The following ZNF528 variants were observed in gnomAD, a reference collection of about 807,000 sequenced individuals.
The protein encoded by ZNF528 is zinc finger protein 528.
Under a neutral mutation model 13.3 loss-of-function variants are expected in ZNF528, and 9 were observed. The observed-to-expected ratio is 0.67, with a 90% CI of 0.41 to 1.18. The LOEUF (loss-of-function observed/expected upper bound fraction) is 1.18. Among genes scored for constraint, ZNF528 ranks in the 50% most tolerant of loss-of-function variants. ZNF528 has a pLI of 0.01. For missense variants in ZNF528, 858 were observed against 745.4 expected, an observed-to-expected ratio of 1.15 and a Z score of -1.76; for synonymous variants, 264 against 254.3, an observed-to-expected ratio of 1.04 and a Z score of -0.36.
Position 52,415,472 on chromosome 19 carries a change from AT to A in ZNF528, c.621del (p.His207GlnfsTer23). Reference protein sequence around the residue: ...ASASLTNQVIHNADNPYKCSE... With the variant: ...ASASLTNQVIXNADNPYKCSE... ...GCAAGCCTTACTAACCAAGTAATCC[AT>A]AACGCAGATAATCCTTACAAATGCA... On this transcript the variant is annotated frameshift_variant, in exon 7 of 7. Transcript: ENST00000360465. LOFTEE classifies it low-confidence loss of function (END_TRUNC). The A allele has an allele frequency of 6.2e-7, 1 of 1,614,226 alleles. No homozygotes were observed. The highest frequency in any genetic ancestry group is 2.2e-5 in the East Asian group (1 of 44,876).
chr19:52,405,978 G>A lies in ZNF528; in HGVS notation c.87G>A (p.Gln29=), dbSNP rs376391054. 6.2e-7 allele frequency: 1 copy of A among 1,612,280 alleles called. No individual in the cohort carries two copies. The highest frequency in any genetic ancestry group is 2.2e-5 in the East Asian group (1 of 44,806). ...QEEWKCLDPA[Q]RTLYRDVMLE... ...AGTGGAAATGCCTGGACCCTGCGCA[G>A]AGGACTTTATACAGGGACGTGATGT... The change falls in exon 5 of 7, where the codon CAG becomes CAA. Residue 29 remains glutamine (Q), a synonymous_variant. Coordinates refer to ENST00000360465, the MANE Select transcript of ZNF528 (RefSeq NM_032423.3).
At chr19:52,400,199 A>G (rs939793951) in intron 2 of ZNF528, among the ~76,000 whole-genome samples, 1 of 150,528 alleles carries the variant, frequency 6.6e-6, no homozygotes, top group South Asian at 2.1e-4. Flanking sequence ...TTTGGTCAGC[A>G]TACCCAGATG....
chr19:52,416,968 T>C lies in ZNF528; in HGVS notation c.*229T>C. The C allele has an allele frequency of 2.0e-6, 1 of 497,686 alleles. No individual in the cohort carries two copies. Among genetic ancestry groups the C allele is most frequent in the Non-Finnish European group, 3.6e-6 (1 of 281,396 alleles). The allele number at this position is 497,686 out of a possible 1,614,324, so 30.8% of individuals were successfully genotyped here. A position where few individuals can be genotyped will look rare whatever the true frequency, so the allele number is the denominator to read the frequency against. ...CAAGGACCATTGCTATAGAACACGA[T>C]AGGATTTACACAAGAAGTAACTCTG... On this transcript the variant is annotated 3_prime_UTR_variant, in exon 7 of 7. Coordinates refer to ENST00000360465, the MANE Select transcript of ZNF528 (RefSeq NM_032423.3).
chr19:52,405,217 CA>C (rs1156326821), intron 4 of ZNF528, among the ~76,000 whole-genome samples: 356 of 101,110 alleles, frequency 3.5e-3, no homozygotes, highest in Middle Eastern at 5.9e-3. Context: ...AACACCATCT[CA>C]AAAAAAAAAA....
chr19:52,405,373 A>G (rs2058843154), intron 4 of ZNF528, among the ~76,000 whole-genome samples: 2 of 152,106 alleles, frequency 1.3e-5, no homozygotes, highest in African/African-American at 4.8e-5. Context: ...TTTATAAAAA[A>G]TACAAAAATT....
intron 4 of ZNF528, chr19:52,402,349 C>G (rs2058804809): frequency 8.8e-6 from 4 of 455,404 alleles, no homozygotes; most frequent in Non-Finnish European, 1.6e-5. Context: ...GATGCACTGT[C>G]AGTGTTCTGT....
intron 4 of ZNF528, 34 bp from the exon 5 acceptor site, chr19:52,405,873 A>C (rs752502222): frequency 1.9e-6 from 3 of 1,603,140 alleles, no homozygotes; most frequent in Non-Finnish European, 2.6e-6. Flanking sequence ...TACTGTGTGC[A>C]TACCTTGTTG....
chr19:52,414,321 C>A, intron 6 of ZNF528: 2 of 702,442 alleles, frequency 2.8e-6, no homozygotes, highest in East Asian at 5.4e-5. Flanking sequence ...CCTGCACAGA[C>A]CTTGGGGGAC....
chr19:52,416,443 A>C lies in ZNF528; in HGVS notation c.1591A>C (p.Asn531His), dbSNP rs1311005811. 1 of 1,614,100 alleles carries C rather than the reference A, an allele frequency of 6.2e-7. No individual in the cohort carries two copies. Among genetic ancestry groups the C allele is most frequent in the African/African-American group, 1.3e-5 (1 of 74,946 alleles). The part of the protein sequence containing the change: ...YKCNQCGKVF[N>H]QASYLTRHQI... ...ATGTAATCAATGTGGCAAGGTCTTT[A>C]ATCAAGCATCATACCTTACAAGACA... Residue 531 changes from asparagine to histidine, a missense_variant, in exon 7 of 7, where the codon AAT (asparagine) becomes CAT (histidine). By Grantham distance (68) the Asn-to-His change is moderately conservative (BLOSUM62 1). Coordinates refer to ENST00000360465, the MANE Select transcript of ZNF528 (RefSeq NM_032423.3).
chr19:52,409,144 T>C (rs567120937), intron 6 of ZNF528, among the ~76,000 whole-genome samples: 8 of 152,278 alleles, frequency 5.3e-5, no homozygotes, highest in African/African-American at 7.2e-5. Context: ...CTGGAAAATA[T>C]ATATAATCTT....
At chr19:52,406,700 G>T (rs148567294) in intron 6 of ZNF528, 57 bp downstream of exon 6, 16,677 of 1,555,292 alleles carry the variant, frequency 0.011, 126 homozygotes, top group Non-Finnish European at 0.012. Flanking sequence ...TTGAGACAGG[G>T]TCTAACGCTG....
chr19:52,401,765 A>G lies in ZNF528; in HGVS notation c.-68+12A>G, dbSNP rs746418962. 4.0e-6 allele frequency: 6 copies of G among 1,488,854 alleles called. No individual in the cohort carries two copies. In the Admixed American group the frequency reaches 6.2e-5, roughly 15 times the overall value. The allele number at this position is 1,488,854 out of a possible 1,614,324, so 92.2% of individuals were successfully genotyped here. A position where few individuals can be genotyped will look rare whatever the true frequency, so the allele number is the denominator to read the frequency against. On this transcript the variant is annotated intron_variant, in intron 3 of 6. Coordinates refer to ENST00000360465, the MANE Select transcript of ZNF528 (RefSeq NM_032423.3). Reference sequence around the variant, plus strand: ...ACTCAACAGACGAGGTACCTTAACCACATAATGGTTGATTTCCAAAATTAT... The same window carrying G: ...ACTCAACAGACGAGGTACCTTAACCGCATAATGGTTGATTTCCAAAATTAT...
rs2059015612 is a variant in ZNF528, at chr19:52,417,346, A to G, written c.*607A>G. 2 of 212,194 alleles carry G rather than the reference A, an allele frequency of 9.4e-6. No homozygotes were observed. Among genetic ancestry groups the G allele is most frequent in the South Asian group, 6.6e-5 (1 of 15,084 alleles). The allele number at this position is 212,194 out of a possible 1,614,324, so 13.1% of individuals were successfully genotyped here. ...TTAAATATTGTCTGATTTAGAGAGC[A>G]TGGAGGTGGGCAGAGTAACATAAAA... On this transcript the variant is annotated 3_prime_UTR_variant, in exon 7 of 7. Coordinates refer to ENST00000360465, the MANE Select transcript of ZNF528 (RefSeq NM_032423.3).
At chr19:52,408,701 G>T (rs1032530533) in intron 6 of ZNF528, among the ~76,000 whole-genome samples, 2 of 152,032 alleles carry the variant, frequency 1.3e-5, no homozygotes, top group Non-Finnish European at 2.9e-5. Context: ...AGCCTCCCGA[G>T]TAGCTGGGGT....
At chr19:52,401,631 G>A in intron 2 of ZNF528, 54 bp from the exon 3 acceptor site, 1 of 1,214,860 alleles carries the variant, frequency 8.2e-7, no homozygotes, top group Non-Finnish European at 1.1e-6. Flanking sequence ...ATGATTTTAG[G>A]AATCACAGTT....
At chr19:52,398,649 A>G in intron 2 of ZNF528, 30 bp downstream of exon 2, 1 of 979,894 alleles carries the variant, frequency 1.0e-6, no homozygotes, top group South Asian at 4.7e-5. Context: ...AGGCACAGTG[A>G]AAGAAGGTGC....
At chr19:52,403,659 C>CAAAAA (rs398035018) in intron 4 of ZNF528, among the ~76,000 whole-genome samples, 1 of 84,914 alleles carries the variant, frequency 1.2e-5, no homozygotes, top group East Asian at 3.8e-4. Flanking sequence ...GACTCCATCT[C>CAAAAA]AAAAAAAAAA....
chr19:52,416,044 T>C lies in ZNF528; in HGVS notation c.1192T>C (p.Ser398Pro), dbSNP rs2058998580. The part of the protein sequence containing the change: ...KVFGRKCFLT[S>P]HQRIHTRERP... Reference sequence around the variant, plus strand: ...CTTTGGGCGCAAGTGTTTCCTGACCTCTCATCAGAGAATTCATACTAGAGA... The same window carrying C: ...CTTTGGGCGCAAGTGTTTCCTGACCCCTCATCAGAGAATTCATACTAGAGA... The change falls in exon 7 of 7, where the codon TCT (serine) becomes CCT (proline). Residue 398 changes from serine (S) to proline (P), a missense_variant. By Grantham distance (74) the Ser-to-Pro change is moderately conservative. Transcript: ENST00000360465. 1.2e-6 allele frequency: 2 copies of C among 1,614,048 alleles called. No homozygotes were observed. The highest frequency in any genetic ancestry group is 1.7e-6 in the Non-Finnish European group (2 of 1,180,028).
rs139707958 is a variant in ZNF528 at position 52,416,767 on chromosome 19, C to T, written c.*28C>T. On this transcript the variant is annotated 3_prime_UTR_variant, in exon 7 of 7. Coordinates refer to ENST00000360465, the MANE Select transcript of ZNF528 (RefSeq NM_032423.3). ...GTCCCTACAAACTGTATGGCAAAAC[C>T]ATCATCATGAGTTCTAGCATTAATC... 27 of 1,556,974 alleles carry T rather than the reference C, an allele frequency of 1.7e-5. No individual in the cohort carries two copies. The highest frequency in any genetic ancestry group is 2.3e-5 in the Non-Finnish European group (26 of 1,147,696).
Sources: allele counts gnomAD v4.1 joint callset (sites outside exome capture counted in the v4.1 genomes callset), GRCh38; gene constraint gnomAD v4.1.1; transcripts MANE v1.5; gene names NCBI Gene and HGNC (gene_info 2026-07-23, HGNC 2026-07-21).